GRID2: variants seen among roughly 807,000 people sequenced by gnomAD.
The protein encoded by GRID2 is glutamate ionotropic receptor delta type subunit 2.
Under a neutral mutation model 114.8 loss-of-function variants are expected in GRID2, and 33 were observed. The observed-to-expected ratio is 0.29, with a 90% confidence interval of 0.22 to 0.38. GRID2 has a LOEUF of 0.38. Among genes scored for constraint, GRID2 ranks in the 10% least tolerant of loss-of-function variants. GRID2 has a pLI of 1.00. For missense variants in GRID2, 1,184 were observed against 1,257.7 expected, an observed-to-expected ratio of 0.94 and a Z score of 0.89; for synonymous variants, 505 against 449.9, an observed-to-expected ratio of 1.12 and a Z score of -1.55.
chr4:92,803,395 A>G (rs1740265311), intron 2 of GRID2, among the ~76,000 whole-genome samples: 1 of 152,004 alleles, frequency 6.6e-6, no homozygotes, highest in Non-Finnish European at 1.5e-5. Context: ...AAGTTTAATT[A>G]TTTATATAGA....
intron 11 of GRID2, among the ~76,000 whole-genome samples, chr4:93,461,423 A>G (rs1329903984): frequency 2.0e-5 from 3 of 152,146 alleles, no homozygotes; most frequent in Non-Finnish European, 2.9e-5. Flanking sequence ...CAATAAAAAT[A>G]CAGTCTTTTA....
At chr4:93,192,368 A>G (rs1183916025) in intron 4 of GRID2, among the ~76,000 whole-genome samples, 1 of 152,194 alleles carries the variant, frequency 6.6e-6, no homozygotes, top group Non-Finnish European at 1.5e-5. Flanking sequence ...AATGATAAAC[A>G]CTTCAGTGAA....
At chr4:93,271,116 T>C (rs1436757726) in intron 8 of GRID2, among the ~76,000 whole-genome samples, 1 of 152,188 alleles carries the variant, frequency 6.6e-6, no homozygotes, top group African/African-American at 2.4e-5. Flanking sequence ...ATGGACCAGA[T>C]ATAAGCCATT....
intron 2 of GRID2, among the ~76,000 whole-genome samples, chr4:92,826,844 T>C (rs1482142128): frequency 6.6e-6 from 1 of 152,122 alleles, no homozygotes; most frequent in African/African-American, 2.4e-5. Flanking sequence ...AATCTGATTT[T>C]ATAGACTGGT....
rs547943028 is a variant in GRID2 at position 92,626,133 on chromosome 4, T to C, written c.244+35847T>C. Among the ~76,000 whole-genome samples, 83 of 152,044 alleles carry C rather than the reference T, an allele frequency of 5.5e-4. 1 individual carries two copies. Among genetic ancestry groups the C allele is most frequent in the African/African-American group, 1.9e-3 (79 of 41,520 alleles). On this transcript the variant is annotated intron_variant, in intron 2 of 15. Transcript: ENST00000282020. ...TAAGTAACTCAATCACTCATTTAAG[T>C]CCAACACCAAGCCATATGACAAATG...
intron 2 of GRID2, among the ~76,000 whole-genome samples, chr4:92,825,358 C>T (rs1401053442): frequency 6.6e-6 from 1 of 152,094 alleles, no homozygotes; most frequent in Non-Finnish European, 1.5e-5. Context: ...GGCCAGGTAC[C>T]AAGTTACATG....
intron 2 of GRID2, among the ~76,000 whole-genome samples, chr4:92,721,305 A>G (rs1468582575): frequency 6.6e-6 from 1 of 151,986 alleles, no homozygotes; most frequent in Non-Finnish European, 1.5e-5. Context: ...GGGAAATTTT[A>G]TGTATATTTT....
At chr4:93,508,327 GTTGGGAC>G (rs1728850213) in intron 12 of GRID2, among the ~76,000 whole-genome samples, 1 of 151,420 alleles carries the variant, frequency 6.6e-6, no homozygotes, top group Admixed American at 6.6e-5. Context: ...CTCCCGAGTA[GTTGGGAC>G]TGCAGGCACC....
chr4:93,613,290 C>G (rs1274150023), intron 13 of GRID2, among the ~76,000 whole-genome samples: 1 of 136,998 alleles, frequency 7.3e-6, no homozygotes, highest in African/African-American at 2.7e-5. Context: ...ATTTGATCGT[C>G]TGAAGCCTTC....
At chr4:92,465,216 C>T (rs1721690823) in intron 1 of GRID2, among the ~76,000 whole-genome samples, 1 of 151,634 alleles carries the variant, frequency 6.6e-6, no homozygotes, top group Non-Finnish European at 1.5e-5. Flanking sequence ...AGTTGAGATT[C>T]CTGGGCCGAG....
intron 14 of GRID2, among the ~76,000 whole-genome samples, chr4:93,677,531 C>T (rs563013766): frequency 1.7e-3 from 258 of 152,264 alleles, no homozygotes; most frequent in African/African-American, 5.8e-3. Flanking sequence ...AGGCACCCCC[C>T]AGTAGGGGCA....
intron 1 of GRID2, among the ~76,000 whole-genome samples, chr4:92,455,345 T>C (rs1273796376): frequency 6.6e-6 from 1 of 152,178 alleles, no homozygotes; most frequent in Non-Finnish European, 1.5e-5. Flanking sequence ...GATTCTTATA[T>C]TCAGAGAAAA....
chr4:93,425,576 C>G (rs995110070), intron 10 of GRID2, among the ~76,000 whole-genome samples: 1 of 152,164 alleles, frequency 6.6e-6, no homozygotes, highest in African/African-American at 2.4e-5. Context: ...AGCCATTACT[C>G]TTTGCTAATT....
chr4:92,658,455 G>A (rs1292211969), intron 2 of GRID2, among the ~76,000 whole-genome samples: 2 of 151,832 alleles, frequency 1.3e-5, no homozygotes, highest in African/African-American at 2.4e-5. Flanking sequence ...GATTAGCCAC[G>A]CTGGTAAAGG....
intron 2 of GRID2, among the ~76,000 whole-genome samples, chr4:92,865,218 G>A (rs891964086): frequency 2.0e-5 from 3 of 152,076 alleles, no homozygotes; most frequent in Non-Finnish European, 4.4e-5. Context: ...TGCCTTTACT[G>A]TCATAATATT....
At chr4:93,537,885 C>T (rs1185897859) in intron 13 of GRID2, among the ~76,000 whole-genome samples, 4 of 151,560 alleles carry the variant, frequency 2.6e-5, no homozygotes, top group Non-Finnish European at 4.4e-5. Context: ...TATATAGGTT[C>T]TTTTTATCTC....
chr4:93,334,575 A>G (rs913628432), intron 8 of GRID2, among the ~76,000 whole-genome samples: 1 of 152,226 alleles, frequency 6.6e-6, no homozygotes, highest in Non-Finnish European at 1.5e-5. Flanking sequence ...GGACCCTGAT[A>G]ATGCTAACAT....
chr4:93,702,258 T>C (rs1202326999), intron 14 of GRID2, among the ~76,000 whole-genome samples: 2 of 152,194 alleles, frequency 1.3e-5, no homozygotes, highest in Non-Finnish European at 2.9e-5. Context: ...GCATTCTGCA[T>C]TAAGTCCTTC....
rs148765214 is a variant in GRID2 at position 92,657,588 on chromosome 4, G to A, written c.244+67302G>A. Among the ~76,000 whole-genome samples the A allele has an allele frequency of 6.2e-3, 933 of 151,280 alleles. 12 individuals are homozygous for A. Among genetic ancestry groups the A allele is most frequent in the African/African-American group, 0.017 (720 of 41,310 alleles). On this transcript the variant is annotated intron_variant, in intron 2 of 15. Coordinates refer to ENST00000282020, the MANE Select transcript of GRID2 (RefSeq NM_001510.4). ...AAAAGTAAAACATTTAGAATTAAGC[G>A]TGTGTCATTTCGATGCCAGAGTTAA... is the stretch of plus-strand genomic sequence containing the variant.
Sources: allele counts gnomAD v4.1 joint callset (sites outside exome capture counted in the v4.1 genomes callset), GRCh38; gene constraint gnomAD v4.1.1; transcripts MANE v1.5; gene names NCBI Gene and HGNC (gene_info 2026-07-23, HGNC 2026-07-21).